Variants in SUMF1 observed in about 807,000 individuals in gnomAD.
SUMF1 encodes the protein sulfatase modifying factor 1, also known as formylglycine-generating enzyme.
In SUMF1, 48 loss-of-function variants were observed where a neutral mutation model predicts 47.6. The ratio of observed to expected loss-of-function variants is 1.01; its 90% CI spans 0.80 to 1.28. The LOEUF is 1.28. SUMF1 is among the 50% of genes most tolerant of loss of function. SUMF1 has a pLI of 0.00. For missense variants in SUMF1, 571 were observed against 485.4 expected (o/e 1.18, Z -1.66); for synonymous variants, 230 against 192.1 (o/e 1.20, Z -1.63).
intron 8 of SUMF1, among the ~76,000 whole-genome samples, chr3:4,107,759 A>C (rs56771400): frequency 6.6e-6 from 1 of 152,080 alleles, no homozygotes; most frequent in African/African-American, 2.4e-5. Flanking sequence ...TTGAGGCTGC[A>C]ATGAGCTATG....
At chr3:4,327,490 C>T (rs561767332) in intron 8 of SUMF1, among the ~76,000 whole-genome samples, 4 of 152,080 alleles carry the variant, frequency 2.6e-5, no homozygotes, top group Admixed American at 6.6e-5. Context: ...TGACAAAAGT[C>T]GTAGGACAGT....
rs115579474 is a variant in SUMF1, at chr3:4,345,548, A to G, written c.1014+30782T>C. Among the ~76,000 whole-genome samples, 735 of 152,334 alleles carry G rather than the reference A, an allele frequency of 4.8e-3. 7 individuals carry two copies. Among genetic ancestry groups the G allele is most frequent in the African/African-American group, 0.017 (709 of 41,578 alleles). On this transcript the variant is annotated intron_variant and NMD_transcript_variant, in intron 8 of 12. Coordinates refer to the SUMF1 transcript ENST00000448413. ...TCCTGAAAGAAGCATTAAATATGGA[A>G]AAGAAAAACTGGTAGCAGCCACTGC... is the stretch of plus-strand genomic sequence containing the variant.
At chr3:4,297,680 A>G (rs1184547174) in intron 8 of SUMF1, among the ~76,000 whole-genome samples, 2 of 149,572 alleles carry the variant, frequency 1.3e-5, no homozygotes, top group Non-Finnish European at 2.9e-5. Flanking sequence ...AGGCACTGGG[A>G]TTACAGACAT....
intron 8 of SUMF1, among the ~76,000 whole-genome samples, chr3:4,179,437 A>G (rs571583362): frequency 6.6e-6 from 1 of 152,354 alleles, no homozygotes; most frequent in Admixed American, 6.5e-5. Flanking sequence ...CAATGGGGAA[A>G]GGATTCCCTA....
At chr3:4,080,037 T>A (rs917461772) in intron 8 of SUMF1, among the ~76,000 whole-genome samples, 3 of 151,986 alleles carry the variant, frequency 2.0e-5, no homozygotes, top group Non-Finnish European at 2.9e-5. Context: ...AGAATCCAAA[T>A]GATCTTCACA....
intron 6 of SUMF1, among the ~76,000 whole-genome samples, chr3:4,411,633 G>A (rs1445891420): frequency 2.0e-5 from 3 of 150,578 alleles, no homozygotes; most frequent in Non-Finnish European, 4.4e-5. Context: ...AGGTCAGACA[G>A]TCTGCCACAT....
At position 4,076,664 on chromosome 3, in the gene SUMF1, C is replaced by G. The variant is rs917815276; in HGVS notation, c.1015-7919G>C. ...AATTTACAAGAAAAAAACAAAAAAC[C>G]CCATCAAAAAGCGGGTGAAGGATAT... On this transcript the variant is annotated intron_variant and NMD_transcript_variant, in intron 8 of 12. Transcript: ENST00000448413. 9.9e-5 allele frequency among the ~76,000 whole-genome samples: 15 copies of G among 151,902 alleles called. No homozygotes were observed. In the East Asian group the frequency reaches 2.9e-3, roughly 29 times the overall value.
At chr3:4,072,199 T>A (rs992181306) in intron 8 of SUMF1, among the ~76,000 whole-genome samples, 1 of 152,114 alleles carries the variant, frequency 6.6e-6, no homozygotes, top group Non-Finnish European at 1.5e-5. Flanking sequence ...TGCAGCTAAG[T>A]GGCCTGACTG....
At chr3:4,389,490 G>A (rs1575164502) in intron 7 of SUMF1, among the ~76,000 whole-genome samples, 1 of 152,110 alleles carries the variant, frequency 6.6e-6, no homozygotes, top group East Asian at 1.9e-4. Context: ...GAATCTGTGG[G>A]TTTAAGTCTC....
chr3:4,380,766 A>G (rs536036963), intron 7 of SUMF1, among the ~76,000 whole-genome samples: 1 of 152,352 alleles, frequency 6.6e-6, no homozygotes, highest in East Asian at 1.9e-4. Flanking sequence ...ACAGCAAAAC[A>G]CACAGGTTTC....
At chr3:4,115,368 A>G (rs368974595) in intron 8 of SUMF1, among the ~76,000 whole-genome samples, 18 of 152,260 alleles carry the variant, frequency 1.2e-4, no homozygotes, top group African/African-American at 4.3e-4. Context: ...ACACCAAGGC[A>G]AGAACCCCAG....
chr3:4,169,899 A>T (rs1694795676), intron 8 of SUMF1, among the ~76,000 whole-genome samples: 2 of 152,300 alleles, frequency 1.3e-5, no homozygotes, highest in African/African-American at 4.8e-5. Flanking sequence ...TCAGCAAGAG[A>T]GTTTTCCTTG....
chr3:4,413,441 G>C (rs1391426096), intron 6 of SUMF1, among the ~76,000 whole-genome samples: 1 of 151,918 alleles, frequency 6.6e-6, no homozygotes, highest in African/African-American at 2.4e-5. Flanking sequence ...TAAATAATTT[G>C]ATGTTTAAGT....
intron 8 of SUMF1, among the ~76,000 whole-genome samples, chr3:4,276,331 T>C (rs1697416524): frequency 6.6e-6 from 1 of 152,198 alleles, no homozygotes; most frequent in Non-Finnish European, 1.5e-5. Flanking sequence ...AAAGACATAA[T>C]ATGTTTAACT....
At chr3:4,353,585 T>A (rs1699555529) in intron 8 of SUMF1, among the ~76,000 whole-genome samples, 1 of 152,198 alleles carries the variant, frequency 6.6e-6, no homozygotes, top group Admixed American at 6.5e-5. Context: ...CAAGCTCATA[T>A]TCTGTGAGCC....
intron 8 of SUMF1, among the ~76,000 whole-genome samples, chr3:4,137,406 G>A (rs1333686749): frequency 6.6e-6 from 1 of 151,474 alleles, no homozygotes; most frequent in Non-Finnish European, 1.5e-5. Flanking sequence ...CTCACTCATA[G>A]GTGGGAATTG....
chr3:4,267,162 T>C (rs979591321), intron 8 of SUMF1, among the ~76,000 whole-genome samples: 4 of 152,106 alleles, frequency 2.6e-5, no homozygotes, highest in African/African-American at 9.7e-5. Context: ...TCAATGTTCA[T>C]CAAGGATATT....
At chr3:4,061,431 T>A (rs1462073574) in intron 9 of SUMF1, among the ~76,000 whole-genome samples, 1 of 152,122 alleles carries the variant, frequency 6.6e-6, no homozygotes. Context: ...CCAATTCCTC[T>A]TCCTTACCCC....
chr3:4,325,778 C>G (rs1471135877), intron 8 of SUMF1, among the ~76,000 whole-genome samples: 1 of 151,842 alleles, frequency 6.6e-6, no homozygotes, highest in Non-Finnish European at 1.5e-5. Flanking sequence ...AGTTTGGAAA[C>G]ATGTAGTCAA....
Sources: gnomAD v4.1 joint callset for allele counts (sites outside exome capture counted in the v4.1 genomes callset) on GRCh38, gnomAD v4.1.1 for gene constraint, MANE v1.5 for transcripts, NCBI Gene and HGNC (gene_info 2026-07-23, HGNC 2026-07-21) for gene names.